The following DENND2B variants were observed in gnomAD, a reference collection of about 807,000 sequenced individuals.
DENND2B encodes DENN domain-containing protein 2B.
DENND2B carries 32 observed loss-of-function variants against 116.0 expected under a neutral mutation model. The ratio of observed to expected loss-of-function variants is 0.28; its 90% CI spans 0.21 to 0.37. DENND2B has a LOEUF of 0.37. Ranked by LOEUF, DENND2B falls within the 10% of genes least tolerant of loss-of-function variation. The probability of loss-of-function intolerance (pLI) is 1.00; values close to 1 mark genes in which losing one functional copy is unlikely to be tolerated. For synonymous variants in DENND2B, 588 were observed against 583.9 expected, an observed-to-expected ratio of 1.01 and a Z score of -0.10; for missense variants, 1,276 against 1,477.7, an observed-to-expected ratio of 0.86 and a Z score of 2.24.
chr11:8,881,156 A>G (rs972838132), intron 1 of DENND2B: 2 of 152,038 alleles, frequency 1.3e-5, no homozygotes, highest in South Asian at 4.1e-4. Flanking sequence ...AATATAATGT[A>G]TATATTTTTA....
At chr11:8,869,668 G>GA (rs1318739472) in intron 2 of DENND2B, among the ~76,000 whole-genome samples, 1 of 151,142 alleles carries the variant, frequency 6.6e-6, no homozygotes, top group African/African-American at 2.4e-5. Context: ...AAAAAAAAAA[G>GA]AAAAAAATTT....
chr11:8,696,683 A>C lies in DENND2B; in HGVS notation c.3053-17T>G. On this transcript the variant is annotated splice_polypyrimidine_tract_variant and intron_variant, in intron 17 of 19. Transcript: ENST00000313726. ...TATTACATTCTGGAAGGGAAAAGAC[A>C]ATCTTTGAGGTTCAGGTCAAGAGCC... 2 of 1,612,586 alleles carry C rather than the reference A, an allele frequency of 1.2e-6. No homozygotes were observed. The highest frequency in any genetic ancestry group is 1.7e-6 in the Non-Finnish European group (2 of 1,178,812).
At chr11:8,694,892 T>A (rs1237818096) in intron 19 of DENND2B, among the ~76,000 whole-genome samples, 1 of 152,124 alleles carries the variant, frequency 6.6e-6, no homozygotes, top group African/African-American at 2.4e-5. Context: ...AGACATCATC[T>A]CTACAAAACA....
At chr11:8,902,460 G>A (rs1444285777) in intron 1 of DENND2B, among the ~76,000 whole-genome samples, 2 of 152,194 alleles carry the variant, frequency 1.3e-5, no homozygotes, top group East Asian at 3.9e-4. Flanking sequence ...ACATTTGCAA[G>A]TGCTATATCT....
intron 2 of DENND2B, among the ~76,000 whole-genome samples, chr11:8,857,779 G>A (rs2063246687): frequency 6.6e-6 from 1 of 152,184 alleles, no homozygotes. Context: ...GACATCAACT[G>A]GTTGTGTGCC....
At chr11:8,861,376 A>G (rs2063384454) in intron 2 of DENND2B, among the ~76,000 whole-genome samples, 1 of 152,208 alleles carries the variant, frequency 6.6e-6, no homozygotes, top group Non-Finnish European at 1.5e-5. Context: ...AATGATATGA[A>G]TAAACATTTC....
At chr11:8,759,927 G>A (rs2054301613) in intron 1 of DENND2B, among the ~76,000 whole-genome samples, 1 of 152,170 alleles carries the variant, frequency 6.6e-6, no homozygotes, top group Admixed American at 6.5e-5. Flanking sequence ...ACTAAATCAG[G>A]ATGATCCTTC....
chr11:8,903,193 T>G (rs531141180), intron 1 of DENND2B, among the ~76,000 whole-genome samples: 1 of 152,242 alleles, frequency 6.6e-6, no homozygotes, highest in South Asian at 2.1e-4. Flanking sequence ...ATTTATTTAT[T>G]TTTTGAGACA....
rs750161039 is a variant in DENND2B, at chr11:8,707,069, G to A, written c.2571+16C>T. 4.4e-6 allele frequency: 7 copies of A among 1,608,870 alleles called. No homozygotes were observed. In the South Asian group the frequency reaches 5.5e-5, roughly 13 times the overall value. ...CCAGCCCGTAGCCCGAGAGAAGAGG[G>A]TGCAGAAATCCCTACCTCATTGCCA... On this transcript the variant is annotated intron_variant, in intron 13 of 19. Transcript: ENST00000313726. This position sits in a 1 kb window ranked among gnomAD's most constrained non-coding sequence, Gnocchi z 4.8.
intron 1 of DENND2B, among the ~76,000 whole-genome samples, chr11:8,780,114 T>G (rs1468516887): frequency 1.3e-5 from 2 of 152,158 alleles, no homozygotes; most frequent in African/African-American, 4.8e-5. Context: ...CCATCTTTCC[T>G]CCTTCCATTC....
intron 1 of DENND2B, among the ~76,000 whole-genome samples, chr11:8,765,613 T>C (rs968767664): frequency 6.6e-6 from 1 of 152,262 alleles, no homozygotes; most frequent in South Asian, 2.1e-4. Flanking sequence ...TGATATGCTA[T>C]GCAGTACCTA....
At chr11:8,748,974 G>A (rs2134034151) in intron 2 of DENND2B, among the ~76,000 whole-genome samples, 1 of 152,200 alleles carries the variant, frequency 6.6e-6, no homozygotes, top group South Asian at 2.1e-4. Flanking sequence ...GAGGGTTGCT[G>A]GGAATGGTAA....
chr11:8,899,129 AAGAT>A (rs1300293502), intron 1 of DENND2B, among the ~76,000 whole-genome samples: 4 of 152,160 alleles, frequency 2.6e-5, no homozygotes, highest in Admixed American at 6.5e-5. Context: ...AGTAAACTGG[AAGAT>A]AGATAGATCA....
intron 1 of DENND2B, among the ~76,000 whole-genome samples, chr11:8,900,409 C>T (rs1171040862): frequency 8.5e-5 from 11 of 130,022 alleles, no homozygotes; most frequent in Admixed American, 4.4e-4. Context: ...CCAGCCTGGG[C>T]GACAGAGTGA....
At chr11:8,791,397 G>A (rs1593748048) in intron 1 of DENND2B, among the ~76,000 whole-genome samples, 2 of 152,276 alleles carry the variant, frequency 1.3e-5, no homozygotes, top group East Asian at 1.9e-4. Context: ...AACAGGATTA[G>A]GAATCAGAAG....
chr11:8,719,151 C>A, intron 4 of DENND2B: 1 of 985,702 alleles, frequency 1.0e-6, no homozygotes, highest in Non-Finnish European at 1.2e-6. Context: ...GAAGAAGGAG[C>A]TGGAGGACGA....
chr11:8,741,345 C>T (rs1470526736), intron 2 of DENND2B, among the ~76,000 whole-genome samples: 1 of 152,212 alleles, frequency 6.6e-6, no homozygotes, highest in African/African-American at 2.4e-5. Flanking sequence ...GAATGATGAA[C>T]TCTCTAAGGA....
Position 8,730,100 on chromosome 11 carries a change from T to A in DENND2B, c.1190A>T (p.Glu397Val). ...VPKPKRTFEY[E>V]ADKNPKSKPS... The stretch of plus-strand genomic sequence containing the variant: ...CTTACTCTTGGGGTTCTTGTCAGCC[T>A]CGTATTCAAAGGTGCGCTTGGGTTT... The change falls in exon 3 of 20, where the codon GAG (glutamate) becomes GTG (valine). Residue 397 changes from glutamate (E) to valine (V), a missense_variant. Coordinates refer to ENST00000313726, the MANE Select transcript of DENND2B (RefSeq NM_213618.2). The surrounding 1 kb of genome is among the most constrained non-coding windows in gnomAD (Gnocchi z 4.1). The A allele has an allele frequency of 6.2e-7, 1 of 1,614,174 alleles. No individual in the cohort carries two copies. The highest frequency in any genetic ancestry group is 1.1e-5 in the South Asian group (1 of 91,082).
chr11:8,896,209 A>G (rs1446909028), intron 1 of DENND2B, among the ~76,000 whole-genome samples: 1 of 152,164 alleles, frequency 6.6e-6, no homozygotes, highest in Non-Finnish European at 1.5e-5. Context: ...CCTGGAGTGG[A>G]AATACATTCC....
Sources: gnomAD v4.1 joint callset for allele counts (sites outside exome capture counted in the v4.1 genomes callset) on GRCh38, gnomAD v4.1.1 for gene constraint, Gnocchi (gnomAD v3.1) non-coding constraint, MANE v1.5 for transcripts, NCBI Gene and HGNC (gene_info 2026-07-23, HGNC 2026-07-21) for gene names.